DPP10: variants seen among roughly 807,000 people sequenced by gnomAD.
DPP10 encodes the protein dipeptidyl peptidase like 10.
In DPP10, 33 loss-of-function variants were observed where a neutral mutation model predicts 120.9. The observed-to-expected ratio is 0.27, with a 90% CI of 0.21 to 0.37. DPP10 has a LOEUF of 0.37. Ranked by LOEUF, DPP10 falls within the 10% of genes least tolerant of loss-of-function variation. DPP10 has a pLI of 1.00. For missense variants in DPP10, 816 were observed against 942.8 expected (o/e 0.87, Z 1.76); for synonymous variants, 337 against 326.1 (o/e 1.03, Z -0.36).
In DPP10 at chr2:115,520,523, T is replaced by A. The variant is rs199955900; in HGVS notation, c.367-5375T>A. Among the ~76,000 whole-genome samples, 20 of 144,836 alleles carry A rather than the reference T, an allele frequency of 1.4e-4. 1 individual carries two copies. Among genetic ancestry groups the A allele is most frequent in the East Asian group, 8.2e-4 (4 of 4,888 alleles). On this transcript the variant is annotated intron_variant, in intron 4 of 25. Transcript: ENST00000410059. ...GCTCCTGGAGCATGATTTTTTTTTT[T>A]AATTTTGTAAATAGAGATGTCTTTA...
intron 1 of DPP10, among the ~76,000 whole-genome samples, chr2:114,851,714 C>G (rs1688956681): frequency 6.6e-6 from 1 of 152,048 alleles, no homozygotes; most frequent in African/African-American, 2.4e-5. Flanking sequence ...ATTAATGATC[C>G]TTACATGCAA....
intron 1 of DPP10, among the ~76,000 whole-genome samples, chr2:115,067,928 GGT>G (rs147044247): frequency 0.16 from 23,818 of 149,876 alleles, 2,163 homozygotes; most frequent in African/African-American, 0.26. Flanking sequence ...GGTGTGTGGG[GGT>G]GTGTGTTTTT....
intron 19 of DPP10, among the ~76,000 whole-genome samples, 168 bp downstream of exon 19, chr2:115,791,524 A>T (rs1328975997): frequency 6.6e-6 from 1 of 152,202 alleles, no homozygotes; most frequent in Non-Finnish European, 1.5e-5. Flanking sequence ...TAAATCATGT[A>T]TAAAGATGTG....
At chr2:114,961,447 GC>G (rs1698623864) in intron 1 of DPP10, among the ~76,000 whole-genome samples, 2 of 121,318 alleles carry the variant, frequency 1.6e-5, no homozygotes, top group Non-Finnish European at 3.7e-5. Flanking sequence ...GTGTTTGAAT[GC>G]GTGTGTGTGT....
At chr2:115,784,612 C>T (rs1683130156) in intron 17 of DPP10, among the ~76,000 whole-genome samples, 1 of 152,120 alleles carries the variant, frequency 6.6e-6, no homozygotes, top group African/African-American at 2.4e-5. Flanking sequence ...CAGCTCACCG[C>T]AACCTCCACC....
intron 1 of DPP10, among the ~76,000 whole-genome samples, chr2:114,499,306 G>A (rs535831485): frequency 1.3e-5 from 2 of 152,204 alleles, no homozygotes; most frequent in Non-Finnish European, 2.9e-5. Flanking sequence ...ACCCTTTGGA[G>A]TGAACTTTGA....
At chr2:115,302,885 CTG>C (rs1325377715) in intron 1 of DPP10, among the ~76,000 whole-genome samples, 9 of 152,172 alleles carry the variant, frequency 5.9e-5, no homozygotes, top group East Asian at 1.9e-4. Flanking sequence ...AATGAGGAAA[CTG>C]TGAATGGCAT....
At chr2:115,284,554 G>T (rs1411461502) in intron 1 of DPP10, among the ~76,000 whole-genome samples, 1 of 151,988 alleles carries the variant, frequency 6.6e-6, no homozygotes, top group African/African-American at 2.4e-5. Flanking sequence ...AGTTATGTTA[G>T]AACAGGACAA....
intron 1 of DPP10, among the ~76,000 whole-genome samples, chr2:114,733,699 C>A (rs1380780484): frequency 6.6e-6 from 1 of 152,124 alleles, no homozygotes; most frequent in Admixed American, 6.6e-5. Flanking sequence ...CTGATAGTGA[C>A]AACATCTAAT....
intron 1 of DPP10, among the ~76,000 whole-genome samples, chr2:115,149,777 A>G (rs1329766887): frequency 1.3e-5 from 2 of 152,216 alleles, no homozygotes; most frequent in African/African-American, 4.8e-5. Flanking sequence ...TTAGCACATA[A>G]AAATACAAGC....
At chr2:114,705,654 C>G (rs780788827) in intron 1 of DPP10, among the ~76,000 whole-genome samples, 1 of 151,884 alleles carries the variant, frequency 6.6e-6, no homozygotes, top group Non-Finnish European at 1.5e-5. Context: ...CCTACAGTAT[C>G]AAGGATTTAA....
intron 1 of DPP10, among the ~76,000 whole-genome samples, chr2:114,547,091 T>C (rs1285781648): frequency 6.6e-6 from 1 of 152,240 alleles, no homozygotes; most frequent in Non-Finnish European, 1.5e-5. Flanking sequence ...GTGTGTGCGG[T>C]AGCACAAGGC....
intron 5 of DPP10, among the ~76,000 whole-genome samples, chr2:115,689,048 A>G (rs956011579): frequency 6.6e-6 from 1 of 152,206 alleles, no homozygotes; most frequent in Non-Finnish European, 1.5e-5. Flanking sequence ...AGACACCTGT[A>G]TCTGACAACA....
At chr2:115,402,947 G>A (rs990306574) in intron 3 of DPP10, among the ~76,000 whole-genome samples, 2 of 134,562 alleles carry the variant, frequency 1.5e-5, no homozygotes, top group African/African-American at 6.6e-5. Flanking sequence ...ATATGTGTGT[G>A]TGTATATATA....
chr2:115,523,528 C>T (rs2077948371), intron 4 of DPP10, among the ~76,000 whole-genome samples: 1 of 151,456 alleles, frequency 6.6e-6, no homozygotes, highest in Non-Finnish European at 1.5e-5. Context: ...ACAACTGCAA[C>T]GTTGGAATTT....
chr2:114,594,843 C>T (rs976712938), intron 1 of DPP10, among the ~76,000 whole-genome samples: 1 of 151,978 alleles, frequency 6.6e-6, no homozygotes, highest in Non-Finnish European at 1.5e-5. Flanking sequence ...TCTCCATTTG[C>T]TCTCTGACTC....
intron 3 of DPP10, among the ~76,000 whole-genome samples, chr2:115,496,487 A>G (rs1272733162): frequency 2.0e-5 from 3 of 152,120 alleles, no homozygotes; most frequent in African/African-American, 7.2e-5. Flanking sequence ...ACTTCCTTCT[A>G]CTTTGTTCTA....
chr2:115,004,241 G>C (rs62164471), intron 1 of DPP10, among the ~76,000 whole-genome samples: 28,354 of 152,152 alleles, frequency 0.19, 3,499 homozygotes, highest in Non-Finnish European at 0.27. Context: ...ATAAGACGTG[G>C]TGTTTGATAT....
In DPP10 at chr2:115,682,278, T is replaced by C. The variant is rs1028901739; in HGVS notation, c.442-7409T>C. Among the ~76,000 whole-genome samples the C allele has an allele frequency of 7.2e-5, 11 of 152,048 alleles. No homozygotes were observed. In the East Asian group the frequency reaches 7.7e-4, roughly 11 times the overall value. ...TAGAAAATAGTTTAATGCCAACTGA[T>C]GTGGAAGTTGCTTATTTGTGTTAAT... On this transcript the variant is annotated intron_variant, in intron 5 of 25. Coordinates refer to ENST00000410059, the MANE Select transcript of DPP10 (RefSeq NM_020868.6).
Sources: gnomAD v4.1 joint callset for allele counts (sites outside exome capture counted in the v4.1 genomes callset) on GRCh38, gnomAD v4.1.1 for gene constraint, MANE v1.5 for transcripts, NCBI Gene and HGNC (gene_info 2026-07-23, HGNC 2026-07-21) for gene names.